The following CCBE1 variants were observed in gnomAD, a reference collection of about 807,000 sequenced individuals.
CCBE1 encodes the protein collagen and calcium-binding EGF domain-containing protein 1.
CCBE1 carries 37 observed loss-of-function variants against 50.0 expected under a neutral mutation model. The ratio of observed to expected loss-of-function variants is 0.74; its 90% CI spans 0.57 to 0.97. CCBE1 has a LOEUF of 0.97. Among genes scored for constraint, CCBE1 ranks in the 50% least tolerant of loss-of-function variants. The probability of loss-of-function intolerance (pLI) is 0.00; values close to 1 mark genes in which losing one functional copy is unlikely to be tolerated. For synonymous variants in CCBE1, 234 were observed against 203.7 expected (o/e 1.15, Z -1.27); for missense variants, 538 against 523.8 (o/e 1.03, Z -0.26).
At chr18:59,568,531 C>T (rs1438902803) in intron 2 of CCBE1, 3 of 152,194 alleles carry the variant, frequency 2.0e-5, no homozygotes, top group Non-Finnish European at 1.5e-5. Context: ...TCTCTAATAA[C>T]ATAAGTCTTC....
At chr18:59,690,621 G>A (rs2054717513) in intron 2 of CCBE1, among the ~76,000 whole-genome samples, 1 of 152,212 alleles carries the variant, frequency 6.6e-6, no homozygotes, top group African/African-American at 2.4e-5. Context: ...TTAACCATAG[G>A]AAGTTGGGCA....
At chr18:59,568,581 A>T (rs1225625585) in intron 2 of CCBE1, 3 of 152,212 alleles carry the variant, frequency 2.0e-5, no homozygotes, top group Non-Finnish European at 4.4e-5. Flanking sequence ...TAGGGAGAAG[A>T]TGGCTAAACT....
rs141638717 is a variant in CCBE1, at chr18:59,469,493, C to T, written c.380G>A (p.Arg127Gln). 1,335 of 1,614,220 alleles carry T rather than the reference C, an allele frequency of 8.3e-4. 2 individuals carry two copies. Among genetic ancestry groups the T allele is most frequent in the Non-Finnish European group, 1.1e-3 (1,264 of 1,180,036 alleles). Residue 127 changes from arginine (R) to glutamine (Q), a missense_variant, in exon 4 of 11, where the codon CGG (arginine) becomes CAG (glutamine). Transcript: ENST00000439986. ...CACACCCAGACAGTATGGCTTCTCC[C>T]GCTTCCGGTGTCTCTCCCGGTCATA... is the stretch of plus-strand genomic sequence containing the variant. ...YRYDRERHRK[R>Q]EKPYCLDIDE...
intron 2 of CCBE1, among the ~76,000 whole-genome samples, chr18:59,558,617 T>C (rs1156724088): frequency 6.6e-6 from 1 of 152,170 alleles, no homozygotes; most frequent in African/African-American, 2.4e-5. Context: ...CAGGGGCTCT[T>C]GGGGCTTGGC....
chr18:59,680,685 C>CG (rs2054577406), intron 2 of CCBE1, among the ~76,000 whole-genome samples: 1 of 150,044 alleles, frequency 6.7e-6, no homozygotes, highest in Admixed American at 6.7e-5. Flanking sequence ...GGAGACAGAG[C>CG]GAGACTCCAT....
At chr18:59,515,677 T>A (rs1041618101) in intron 2 of CCBE1, among the ~76,000 whole-genome samples, 1 of 152,136 alleles carries the variant, frequency 6.6e-6, no homozygotes, top group African/African-American at 2.4e-5. Context: ...TCTATGTTGC[T>A]CCCCTCTAAC....
chr18:59,618,151 C>G (rs1024393866), intron 2 of CCBE1, among the ~76,000 whole-genome samples: 1 of 152,086 alleles, frequency 6.6e-6, no homozygotes, highest in African/African-American at 2.4e-5. Context: ...CAGGCACTTT[C>G]AAGATGTAAA....
chr18:59,569,560 A>C (rs2052877955), intron 2 of CCBE1, among the ~76,000 whole-genome samples: 1 of 152,182 alleles, frequency 6.6e-6, no homozygotes, highest in Non-Finnish European at 1.5e-5. Flanking sequence ...AAAATGAGGC[A>C]CAAAGCCCAA....
At chr18:59,479,120 T>C (rs1483560051) in intron 3 of CCBE1, among the ~76,000 whole-genome samples, 8 of 152,214 alleles carry the variant, frequency 5.3e-5, no homozygotes. Context: ...CTAGATCTTC[T>C]ATAGAGATCT....
intron 2 of CCBE1, among the ~76,000 whole-genome samples, chr18:59,625,150 G>C (rs547106674): frequency 6.6e-6 from 1 of 152,186 alleles, no homozygotes; most frequent in Non-Finnish European, 1.5e-5. Flanking sequence ...TGTAGCCATA[G>C]GCCGGGCGTG....
intron 2 of CCBE1, among the ~76,000 whole-genome samples, chr18:59,503,514 T>G (rs1913725988): frequency 6.6e-6 from 1 of 152,154 alleles, no homozygotes; most frequent in East Asian, 1.9e-4. Flanking sequence ...TACAACCTCT[T>G]TAGTCCCAGG....
chr18:59,687,534 T>G lies in CCBE1; in HGVS notation c.212+9095A>C, dbSNP rs188738396. Among the ~76,000 whole-genome samples the G allele has an allele frequency of 1.6e-3, 244 of 152,338 alleles. 2 individuals are homozygous for G. Among genetic ancestry groups the G allele is most frequent in the Non-Finnish European group, 3.0e-3 (202 of 68,024 alleles). On this transcript the variant is annotated intron_variant, in intron 2 of 10. Coordinates refer to ENST00000439986, the MANE Select transcript of CCBE1 (RefSeq NM_133459.4). ...ATTATCAGACTTTGTTTCTCTCACT[T>G]CAGAATATTTCTTTTAGACTGTTCT...
At chr18:59,686,546 C>A (rs931627972) in intron 2 of CCBE1, among the ~76,000 whole-genome samples, 1 of 152,176 alleles carries the variant, frequency 6.6e-6, no homozygotes, top group African/African-American at 2.4e-5. Context: ...ACACACAGGG[C>A]AATCTGAGGC....
chr18:59,627,222 G>A (rs1021263330), intron 2 of CCBE1, among the ~76,000 whole-genome samples: 12 of 152,082 alleles, frequency 7.9e-5, no homozygotes, highest in East Asian at 7.7e-4. Context: ...CATATTGTCC[G>A]TATTCTGAGT....
chr18:59,567,126 C>G (rs923593333), intron 2 of CCBE1, among the ~76,000 whole-genome samples: 1 of 150,996 alleles, frequency 6.6e-6, no homozygotes, highest in African/African-American at 2.4e-5. Flanking sequence ...CTTTTCTTTT[C>G]TTTTTTTTTG....
intron 4 of CCBE1, 152 bp downstream of exon 4, chr18:59,469,321 T>C (rs1266888397): frequency 1.8e-6 from 2 of 1,101,004 alleles, no homozygotes; most frequent in Non-Finnish European, 2.8e-6. Flanking sequence ...GTTTTAGTAA[T>C]TGTGATGAAG....
intron 2 of CCBE1, among the ~76,000 whole-genome samples, chr18:59,687,486 T>G (rs902878222): frequency 1.8e-4 from 27 of 152,336 alleles, no homozygotes; most frequent in African/African-American, 6.3e-4. Flanking sequence ...TTCCTAACTT[T>G]TCCCTTCCTT....
At chr18:59,586,313 G>A (rs1432631949) in intron 2 of CCBE1, among the ~76,000 whole-genome samples, 1 of 152,164 alleles carries the variant, frequency 6.6e-6, no homozygotes, top group Non-Finnish European at 1.5e-5. Context: ...CATGAAAATA[G>A]TGTGTGTATG....
chr18:59,579,818 A>T (rs965829452), intron 2 of CCBE1, among the ~76,000 whole-genome samples: 2 of 152,116 alleles, frequency 1.3e-5, no homozygotes, highest in African/African-American at 4.8e-5. Flanking sequence ...GCACATGCTG[A>T]CCTGACTTCC....
Sources: allele counts gnomAD v4.1 joint callset (sites outside exome capture counted in the v4.1 genomes callset), GRCh38; gene constraint gnomAD v4.1.1; transcripts MANE v1.5; gene names NCBI Gene and HGNC (gene_info 2026-07-23, HGNC 2026-07-21).